Variants in ZNF337 observed in about 807,000 individuals in gnomAD.
The protein encoded by ZNF337 is zinc finger protein 337.
ZNF337 carries 8 observed loss-of-function variants against 12.1 expected under a neutral mutation model. That is an observed-to-expected ratio of 0.66 (90% CI 0.39 to 1.19). The LOEUF (loss-of-function observed/expected upper bound fraction) is 1.19, where lower values mean the gene tolerates loss of function less well. Ranked by LOEUF, ZNF337 falls within the 50% of genes most tolerant of loss-of-function variation. The pLI is 0.01. For missense variants in ZNF337, 882 were observed against 896.6 expected (o/e 0.98, Z 0.21); for synonymous variants, 336 against 320.0 (o/e 1.05, Z -0.53).
At position 25,673,585 on chromosome 20, in the gene ZNF337, G is replaced by C. The variant is rs1171196603; in HGVS notation, c.*1447C>G. Among the ~76,000 whole-genome samples the C allele has an allele frequency of 6.6e-6, 1 of 152,170 alleles. No individual in the cohort carries two copies. Among genetic ancestry groups the C allele is most frequent in the Non-Finnish European group, 1.5e-5 (1 of 68,036 alleles). On this transcript the variant is annotated 3_prime_UTR_variant, in exon 5 of 5. Transcript: ENST00000252979. ...CAGGATCCCAGATTTTCCTTACGAAGGGTCTGACCTCTACAAAATAGACAT... is the reference window on the plus strand; with the variant it reads ...CAGGATCCCAGATTTTCCTTACGAACGGTCTGACCTCTACAAAATAGACAT...
At position 25,685,567 on chromosome 20, in the gene ZNF337, C is replaced by T; in HGVS notation, c.250G>A (p.Gly84Arg). ...CTGTCTGCCCTGTCTATCCCCTCAC[C>T]TGCACAGGGGCCTGGCCGGCGTCTT... ...ERRRRPGPCA[G>R]IYAEHVLRPK... Residue 84 changes from glycine to arginine, a missense_variant and splice_region_variant, in exon 4 of 5, where the codon GGA becomes AGA. Gly to Arg is a moderately radical substitution (Grantham distance 125). Transcript: ENST00000252979. The T allele has an allele frequency of 1.2e-6, 2 of 1,613,742 alleles. No homozygotes were observed. Among genetic ancestry groups the T allele is most frequent in the Non-Finnish European group, 1.7e-6 (2 of 1,179,612 alleles).
At chr20:25,677,264 C>CA in intron 4 of ZNF337, 1 of 457,960 alleles carries the variant, frequency 2.2e-6, no homozygotes, top group Non-Finnish European at 3.8e-6. Flanking sequence ...CAGACAAGGA[C>CA]ACAGCAAAAA....
chr20:25,692,591 A>G (rs2122471591), intron 1 of ZNF337, among the ~76,000 whole-genome samples: 1 of 152,340 alleles, frequency 6.6e-6, no homozygotes, highest in African/African-American at 2.4e-5. Flanking sequence ...AAAAAAATTG[A>G]ATATCCCTTC....
At chr20:25,696,094 C>A in intron 1 of ZNF337, among the ~76,000 whole-genome samples, 1 of 127,030 alleles carries the variant, frequency 7.9e-6, no homozygotes, top group Non-Finnish European at 1.7e-5. Flanking sequence ...AGATCCCCCC[C>A]CCCCCCCACC....
intron 1 of ZNF337, chr20:25,686,852 C>T (rs1209805900): frequency 2.0e-5 from 4 of 199,744 alleles, no homozygotes; most frequent in Non-Finnish European, 4.1e-5. Context: ...TCAGGATAAC[C>T]ACAGGTGCAG....
intron 4 of ZNF337, among the ~76,000 whole-genome samples, chr20:25,683,126 G>A (rs1431472647): frequency 6.6e-6 from 1 of 152,178 alleles, no homozygotes. Flanking sequence ...TGTGAGGAGT[G>A]AGGAAAGCCA....
rs562074367 is a variant in ZNF337 at position 25,676,773 on chromosome 20, A to G, written c.515T>C (p.Ile172Thr). 3.1e-6 allele frequency: 5 copies of G among 1,614,110 alleles called. No individual in the cohort carries two copies. Among genetic ancestry groups the G allele is most frequent in the Admixed American group, 1.7e-5 (1 of 60,032 alleles). ...GAATGCTCCCCATCTTGAATTTTCT[A>G]TTCCTTTCAATACTTTGTCTATTTC... ...PTEIDKVLKG[I>T]ENSRWGAFKC... Residue 172 changes from isoleucine (I) to threonine (T), a missense_variant, in exon 5 of 5, where the codon ATA becomes ACA. Physicochemically the swap from Ile to Thr is moderately conservative, Grantham distance 89. Transcript: ENST00000252979.
At chr20:25,690,491 G>A (rs914100458) in intron 1 of ZNF337, among the ~76,000 whole-genome samples, 1 of 152,164 alleles carries the variant, frequency 6.6e-6, no homozygotes. Flanking sequence ...TCAAACCTGA[G>A]AAAGCACAGT....
At chr20:25,684,712 C>T (rs185750648) in intron 4 of ZNF337, among the ~76,000 whole-genome samples, 1 of 152,274 alleles carries the variant, frequency 6.6e-6, no homozygotes, top group African/African-American at 2.4e-5. Context: ...ATAGCAAAGT[C>T]TTGGAACCAA....
chr20:25,682,350 A>G (rs969621756), intron 4 of ZNF337, among the ~76,000 whole-genome samples: 3 of 152,198 alleles, frequency 2.0e-5, no homozygotes, highest in Admixed American at 6.5e-5. Context: ...AAATTATAAT[A>G]ATTCTAACCC....
rs1358628171 is a variant in ZNF337 at position 25,676,937 on chromosome 20, T to G, written c.351A>C (p.Thr117=). Residue 117 remains threonine, a synonymous_variant, in exon 5 of 5, where the codon ACA becomes ACC. Transcript: ENST00000252979. ...TTTTTTCTTTCTCTTGACCTTCAGC[T>G]GTGTCACTCTGGAAGCTTTGATCAG... is the stretch of plus-strand genomic sequence containing the variant. ...QFSDQSFQSD[T]AEGQEKEKST... 6.2e-7 allele frequency: 1 copy of G among 1,614,194 alleles called. No homozygotes were observed. Among genetic ancestry groups the G allele is most frequent in the Admixed American group, 1.7e-5 (1 of 60,022 alleles).
Position 25,675,758 on chromosome 20 carries a change from G to T in ZNF337, c.1530C>A (p.His510Gln), listed in dbSNP as rs1158234446. The T allele has an allele frequency of 1.2e-6, 2 of 1,613,718 alleles. No individual in the cohort carries two copies. The highest frequency in any genetic ancestry group is 1.7e-6 in the Non-Finnish European group (2 of 1,179,962). ...TGCAGAAAAAACGTTTCTCACCCAA[G>T]TGTGCCCTCAGGTGCTTGTTATAGG... The part of the protein sequence containing the change: ...KSSYNKHLRA[H>Q]LGEKRFFCRD... The change falls in exon 5 of 5, where the codon CAC becomes CAA. Residue 510 changes from histidine to glutamine, a missense_variant. By Grantham distance (24) the His-to-Gln change is conservative. Coordinates refer to ENST00000252979, the MANE Select transcript of ZNF337 (RefSeq NM_015655.4).
intron 1 of ZNF337, among the ~76,000 whole-genome samples, chr20:25,695,079 T>A (rs1410108530): frequency 6.6e-6 from 1 of 152,164 alleles, no homozygotes; most frequent in East Asian, 1.9e-4. Flanking sequence ...AAGACCAGCC[T>A]CAGCAACATG....
At chr20:25,679,974 A>C (rs1026416384) in intron 4 of ZNF337, among the ~76,000 whole-genome samples, 2 of 152,210 alleles carry the variant, frequency 1.3e-5, no homozygotes, top group Admixed American at 6.5e-5. Context: ...ACCATAAAGA[A>C]GAATAAGAAT....
chr20:25,675,084 T>C lies in ZNF337; in HGVS notation c.2204A>G (p.His735Arg). 6.2e-7 allele frequency: 1 copy of C among 1,612,868 alleles called. No homozygotes were observed. The highest frequency in any genetic ancestry group is 2.2e-5 in the East Asian group (1 of 44,708). ...KSYYSKHLKR[H>R]LREKRFCTGS... Reference sequence around the variant, plus strand: ...TGTACAAAAACGCTTCTCACGTAAGTGTCTCTTTAAGTGCTTACTGTAGTA... The same window carrying C: ...TGTACAAAAACGCTTCTCACGTAAGCGTCTCTTTAAGTGCTTACTGTAGTA... Residue 735 changes from histidine to arginine, a missense_variant, in exon 5 of 5, where the codon CAC (histidine) becomes CGC (arginine). Physicochemically the swap from His to Arg is conservative, Grantham distance 29 (BLOSUM62 0). Coordinates refer to ENST00000252979, the MANE Select transcript of ZNF337 (RefSeq NM_015655.4).
chr20:25,695,008 C>T (rs1281467659), intron 1 of ZNF337, among the ~76,000 whole-genome samples: 1 of 152,144 alleles, frequency 6.6e-6, no homozygotes, highest in Non-Finnish European at 1.5e-5. Context: ...CGGTGGCTCA[C>T]GCCTGTAATC....
At chr20:25,693,361 GCCA>G (rs2065896669) in intron 1 of ZNF337, among the ~76,000 whole-genome samples, 1 of 152,152 alleles carries the variant, frequency 6.6e-6, no homozygotes, top group African/African-American at 2.4e-5. Context: ...ACAGGTATGG[GCCA>G]CCACGCCAAG....
chr20:25,675,723 C>T lies in ZNF337; in HGVS notation c.1565G>A (p.Gly522Glu). 2 of 1,613,812 alleles carry T rather than the reference C, an allele frequency of 1.2e-6. No homozygotes were observed. Among genetic ancestry groups the T allele is most frequent in the Non-Finnish European group, 1.7e-6 (2 of 1,179,960 alleles). ...ATTTGGCTTCAAGGTAAAGCCTCGCCCACAATCCCTGCAGAAAAAACGTTT... is the reference window on the plus strand; with the variant it reads ...ATTTGGCTTCAAGGTAAAGCCTCGCTCACAATCCCTGCAGAAAAAACGTTT... ...GEKRFFCRDC[G>E]RGFTLKPNLT... is the part of the protein sequence containing the mutation. The change falls in exon 5 of 5, where the codon GGG becomes GAG. Residue 522 changes from glycine to glutamate, a missense_variant. Gly to Glu is a moderately conservative substitution (Grantham distance 98). Transcript: ENST00000252979.
intron 1 of ZNF337, among the ~76,000 whole-genome samples, chr20:25,696,549 C>T (rs2065932061): frequency 1.3e-5 from 2 of 152,224 alleles, no homozygotes; most frequent in South Asian, 4.1e-4. Flanking sequence ...AGTGGCGGCC[C>T]AGACCCGGGG....
Sources: gnomAD v4.1 joint callset for allele counts (sites outside exome capture counted in the v4.1 genomes callset) on GRCh38, gnomAD v4.1.1 for gene constraint, MANE v1.5 for transcripts, NCBI Gene and HGNC (gene_info 2026-07-23, HGNC 2026-07-21) for gene names.